The following GYS2 variants were observed in gnomAD, a reference collection of about 807,000 sequenced individuals.
GYS2 encodes glycogen [starch] synthase, liver.
A neutral mutation model predicts 85.6 loss-of-function variants in GYS2; 80 were observed. The observed-to-expected ratio is 0.93, with a 90% CI of 0.78 to 1.13. GYS2 has a LOEUF of 1.13. Among genes scored for constraint, GYS2 ranks in the 50% most tolerant of loss-of-function variants. GYS2 has a pLI of 0.00. For synonymous variants in GYS2, 328 were observed against 300.7 expected, an observed-to-expected ratio of 1.09 and a Z score of -0.94; for missense variants, 881 against 854.9, an observed-to-expected ratio of 1.03 and a Z score of -0.38.
At position 21,568,873 on chromosome 12, in the gene GYS2, C is replaced by G. The variant is rs1162718152; in HGVS notation, c.815G>C (p.Arg272Thr). ...TAIEAEHMLKRKPDVVTPNGL... is the reference protein window; with the variant it reads ...TAIEAEHMLKTKPDVVTPNGL... ...CCAGGGATAATAATTACCAGGCTTT[C>G]TCTTCAGCATATGTTCAGCTTCTAT... Residue 272 changes from arginine (R) to threonine (T), a missense_variant, in exon 5 of 16, where the codon AGA (arginine) becomes ACA (threonine). By Grantham distance (71) the Arg-to-Thr change is moderately conservative. Coordinates refer to ENST00000261195, the MANE Select transcript of GYS2 (RefSeq NM_021957.4). The G allele has an allele frequency of 6.2e-7, 1 of 1,613,014 alleles. No homozygotes were observed. The highest frequency in any genetic ancestry group is 2.2e-5 in the East Asian group (1 of 44,870).
intron 2 of GYS2, among the ~76,000 whole-genome samples, 170 bp downstream of exon 2, chr12:21,580,172 C>T (rs1944492872): frequency 6.6e-6 from 1 of 152,218 alleles, no homozygotes; most frequent in Non-Finnish European, 1.5e-5. Flanking sequence ...TCGGTTTTCA[C>T]AAGGTGTCTC....
chr12:21,555,045 G>T (rs1290137586), intron 11 of GYS2, among the ~76,000 whole-genome samples: 2 of 152,046 alleles, frequency 1.3e-5, no homozygotes, highest in Non-Finnish European at 2.9e-5. Flanking sequence ...CGTAACATGT[G>T]CCAGGCAGCA....
rs78824832 is a variant in GYS2, at chr12:21,564,012, A to G, written c.824-667T>C. On this transcript the variant is annotated intron_variant, in intron 5 of 15. Transcript: ENST00000261195. ...ACAACTGATTCATTCTTCCCAGGAG[A>G]TTTTGTTGCTCAGGCAGGAAGACAT... 7.2e-3 allele frequency among the ~76,000 whole-genome samples: 1,092 copies of G among 152,142 alleles called. 17 individuals carry two copies. The highest frequency in any genetic ancestry group is 0.024 in the African/African-American group (991 of 41,496).
chr12:21,537,424 T>C, intron 15 of GYS2: 1 of 509,230 alleles, frequency 2.0e-6, no homozygotes, highest in Non-Finnish European at 3.5e-6. Flanking sequence ...CATCTTATCT[T>C]TTAACAACAC....
intron 10 of GYS2, among the ~76,000 whole-genome samples, chr12:21,558,671 T>C (rs1871131): frequency 0.72 from 110,159 of 152,060 alleles, 40,442 homozygotes; most frequent in South Asian, 0.79. Context: ...TATCTGATTC[T>C]TCCCTATTAT....
chr12:21,591,108 T>A (rs1944633735), intron 1 of GYS2, among the ~76,000 whole-genome samples: 1 of 151,870 alleles, frequency 6.6e-6, no homozygotes. Context: ...TCCAAAGGAA[T>A]TTAATAATTC....
At chr12:21,596,315 G>T (rs1046615074) in intron 1 of GYS2, among the ~76,000 whole-genome samples, 3 of 151,862 alleles carry the variant, frequency 2.0e-5, no homozygotes, top group African/African-American at 7.3e-5. Flanking sequence ...ACTACAGACT[G>T]ATAGCCTTGA....
intron 11 of GYS2, among the ~76,000 whole-genome samples, chr12:21,551,377 A>G (rs1018366913): frequency 3.3e-5 from 5 of 152,142 alleles, no homozygotes; most frequent in Non-Finnish European, 7.4e-5. Flanking sequence ...TTTATATACT[A>G]TAAATATACA....
chr12:21,573,747 C>T (rs1944411951), intron 4 of GYS2, among the ~76,000 whole-genome samples: 1 of 152,178 alleles, frequency 6.6e-6, no homozygotes, highest in African/African-American at 2.4e-5. Context: ...TCTCATAGTG[C>T]AAGTTTGTAT....
At chr12:21,581,456 T>C (rs1477644582) in intron 1 of GYS2, among the ~76,000 whole-genome samples, 2 of 152,184 alleles carry the variant, frequency 1.3e-5, no homozygotes, top group Non-Finnish European at 2.9e-5. Flanking sequence ...CTTAGAGTTG[T>C]AAGCCCTTAA....
intron 4 of GYS2, among the ~76,000 whole-genome samples, chr12:21,572,874 A>G (rs926631961): frequency 3.9e-5 from 6 of 152,128 alleles, no homozygotes; most frequent in African/African-American, 1.2e-4. Flanking sequence ...CCACTCTAAT[A>G]TTTTCTCCTT....
intron 2 of GYS2, among the ~76,000 whole-genome samples, chr12:21,576,351 A>G (rs755246753): frequency 5.3e-5 from 8 of 152,138 alleles, no homozygotes; most frequent in Non-Finnish European, 1.2e-4. Context: ...TGTGACCATG[A>G]ACTCACAGTG....
At chr12:21,597,358 G>A (rs1038049124) in intron 1 of GYS2, among the ~76,000 whole-genome samples, 1 of 151,866 alleles carries the variant, frequency 6.6e-6, no homozygotes, top group Non-Finnish European at 1.5e-5. Flanking sequence ...CTCAACAGTG[G>A]AAAAACAAAT....
chr12:21,546,425 G>A lies in GYS2; in HGVS notation c.1468C>T (p.Pro490Ser), dbSNP rs374053036. ...EFLSSTSPLL[P>S]MDYEEFVRGC... ...CTAACAAACTCTTCATAGTCCATGG[G>A]TAGTAAGGGACTGGTGGAGGATAGA... The change falls in exon 12 of 16, where the codon CCC (proline) becomes TCC (serine). Residue 490 changes from proline to serine, a missense_variant. Coordinates refer to ENST00000261195, the MANE Select transcript of GYS2 (RefSeq NM_021957.4). 1 of 1,585,166 alleles carries A rather than the reference G, an allele frequency of 6.3e-7. No individual in the cohort carries two copies. The highest frequency in any genetic ancestry group is 8.7e-7 in the Non-Finnish European group (1 of 1,154,346).
intron 11 of GYS2, among the ~76,000 whole-genome samples, chr12:21,550,768 C>G (rs1450328071): frequency 6.6e-6 from 1 of 152,084 alleles, no homozygotes; most frequent in African/African-American, 2.4e-5. Context: ...TGATGAAACC[C>G]CATCTCCACT....
chr12:21,565,385 C>T (rs1944305415), intron 5 of GYS2, among the ~76,000 whole-genome samples: 1 of 93,092 alleles, frequency 1.1e-5, no homozygotes, highest in Non-Finnish European at 2.0e-5. Flanking sequence ...TATTTCCATC[C>T]ATGAAATATA....
chr12:21,594,382 C>CTGAAAAATAAATTCAGT (rs1378796658), intron 1 of GYS2, among the ~76,000 whole-genome samples: 1 of 152,058 alleles, frequency 6.6e-6, no homozygotes, highest in African/African-American at 2.4e-5. Context: ...ACTCTTAGCG[C>CTGAAAAATAAATTCAGT]TGAAAAATAA....
Position 21,568,892 on chromosome 12 carries a change from C to G in GYS2, c.796G>C (p.Ala266Pro), listed in dbSNP as rs753031363. The change falls in exon 5 of 16, where the codon GCT becomes CCT. Residue 266 changes from alanine (A) to proline (P), a missense_variant. Coordinates refer to ENST00000261195, the MANE Select transcript of GYS2 (RefSeq NM_021957.4). ...TTVSEITAIE[A>P]EHMLKRKPDV... ...GGCTTTCTCTTCAGCATATGTTCAG[C>G]TTCTATTGCTGTTATTTCAGAAACC... The G allele has an allele frequency of 4.3e-6, 7 of 1,613,408 alleles. No individual in the cohort carries two copies. In the Admixed American group the frequency reaches 1.2e-4, roughly 27 times the overall value.
downstream of GYS2, among the ~76,000 whole-genome samples, chr12:21,534,321 G>A (rs568061675): frequency 6.6e-6 from 1 of 152,100 alleles, no homozygotes; most frequent in South Asian, 2.1e-4. Context: ...AGACCAGCCT[G>A]ACCAATATGC....
Sources: gnomAD v4.1 joint callset for allele counts (sites outside exome capture counted in the v4.1 genomes callset) on GRCh38, gnomAD v4.1.1 for gene constraint, MANE v1.5 for transcripts, NCBI Gene and HGNC (gene_info 2026-07-23, HGNC 2026-07-21) for gene names.